The following GALNT13 variants were observed in gnomAD, a reference collection of about 807,000 sequenced individuals.
GALNT13 encodes the protein UDP-GalNAc:polypeptide N-acetylgalactosaminyltransferase 13.
A neutral mutation model predicts 64.2 loss-of-function variants in GALNT13; 28 were observed. That is an observed-to-expected ratio of 0.44 (90% CI 0.32 to 0.60). The LOEUF is 0.60. GALNT13 is among the 20% of genes least tolerant of loss of function. The pLI is 0.05. For synonymous variants in GALNT13, 214 were observed against 224.6 expected (o/e 0.95, Z 0.42); for missense variants, 577 against 669.8 (o/e 0.86, Z 1.53).
the GALNT13 span, among the ~76,000 whole-genome samples, chr2:153,503,259 T>C: frequency 1.3e-5 from 2 of 152,170 alleles, no homozygotes; most frequent in Non-Finnish European, 2.9e-5. Flanking sequence ...TTTTGTATAA[T>C]GTAAGACGAT....
chr2:153,931,002 T>A (rs1690476563), intron 2 of GALNT13, among the ~76,000 whole-genome samples: 1 of 151,716 alleles, frequency 6.6e-6, no homozygotes, highest in Non-Finnish European at 1.5e-5. Flanking sequence ...CTTTCAGCAA[T>A]GTTTTGTAAT....
intron 4 of GALNT13, among the ~76,000 whole-genome samples, chr2:154,178,597 G>A (rs533526037): frequency 3.3e-5 from 5 of 152,054 alleles, no homozygotes; most frequent in African/African-American, 9.7e-5. Context: ...TCTTCCTCTC[G>A]CTCAATCTGC....
the GALNT13 span, among the ~76,000 whole-genome samples, chr2:153,219,808 T>G: frequency 9.6e-3 from 1,464 of 152,328 alleles, 24 homozygotes; most frequent in African/African-American, 0.033. Flanking sequence ...TTCATCCTTT[T>G]CTGCTTCAGA....
At chr2:153,669,077 A>G in the GALNT13 span, among the ~76,000 whole-genome samples, 1 of 152,224 alleles carries the variant, frequency 6.6e-6, no homozygotes, top group East Asian at 1.9e-4. Context: ...CAGATGCCCA[A>G]CTGGCTGTCT....
the GALNT13 span, among the ~76,000 whole-genome samples, chr2:153,495,320 A>C: frequency 6.6e-6 from 1 of 150,684 alleles, no homozygotes; most frequent in African/African-American, 2.4e-5. Flanking sequence ...AAAACAAACA[A>C]ACAAACAACA....
rs192362229 is a variant in GALNT13 at position 154,153,737 on chromosome 2, G to T, written c.311+13232G>T. On this transcript the variant is annotated intron_variant, in intron 4 of 12. Transcript: ENST00000392825. ...CATGGGCATAGAACCCTCCGAGCCA[G>T]GTGCAGGATATAATCTCCTGGTGTG... 1.5e-3 allele frequency among the ~76,000 whole-genome samples: 222 copies of T among 152,318 alleles called. No homozygotes were observed. In the Middle Eastern group the frequency reaches 0.017, roughly 12 times the overall value.
the GALNT13 span, among the ~76,000 whole-genome samples, chr2:153,508,709 C>T: frequency 6.6e-6 from 1 of 152,160 alleles, no homozygotes; most frequent in Non-Finnish European, 1.5e-5. Flanking sequence ...CAGCAGTGAT[C>T]CAGTTCCTTC....
intron 6 of GALNT13, among the ~76,000 whole-genome samples, chr2:154,243,435 G>GCACA (rs1048954726): frequency 1.3e-5 from 2 of 151,376 alleles, no homozygotes; most frequent in Non-Finnish European, 1.5e-5. Flanking sequence ...TCTTAAAAAT[G>GCACA]CACACACACA....
At chr2:153,853,943 A>G in the GALNT13 span, among the ~76,000 whole-genome samples, 1 of 151,798 alleles carries the variant, frequency 6.6e-6, no homozygotes, top group Non-Finnish European at 1.5e-5. Context: ...GGAATAATGA[A>G]CATATCCATC....
the GALNT13 span, among the ~76,000 whole-genome samples, chr2:153,179,358 T>G: frequency 6.6e-6 from 1 of 152,204 alleles, no homozygotes; most frequent in Non-Finnish European, 1.5e-5. Flanking sequence ...AATCAATTGA[T>G]CAGAGATGAG....
chr2:153,995,408 G>T (rs1226738521), intron 3 of GALNT13, among the ~76,000 whole-genome samples: 2 of 152,030 alleles, frequency 1.3e-5, no homozygotes, highest in Non-Finnish European at 2.9e-5. Flanking sequence ...CCAAAGAAGG[G>T]TTGTATGTAA....
the GALNT13 span, among the ~76,000 whole-genome samples, chr2:153,440,866 A>G: frequency 6.6e-6 from 1 of 152,098 alleles, no homozygotes; most frequent in Non-Finnish European, 1.5e-5. Flanking sequence ...TCAGATGTAT[A>G]GAATGCAAAA....
the GALNT13 span, among the ~76,000 whole-genome samples, chr2:153,174,798 C>T: frequency 1.3e-5 from 2 of 152,132 alleles, no homozygotes; most frequent in Admixed American, 1.3e-4. Context: ...TTACCTGAAG[C>T]ATCTTTAATA....
the GALNT13 span, among the ~76,000 whole-genome samples, chr2:153,080,541 G>A: frequency 6.6e-6 from 1 of 151,922 alleles, no homozygotes; most frequent in Non-Finnish European, 1.5e-5. Flanking sequence ...ACCATTTCTT[G>A]TGACCTAAGA....
At chr2:153,632,750 T>C in the GALNT13 span, among the ~76,000 whole-genome samples, 7 of 152,106 alleles carry the variant, frequency 4.6e-5, no homozygotes, top group African/African-American at 1.7e-4. Context: ...ATTTTTTATT[T>C]TATTTATGTA....
Position 154,279,004 on chromosome 2 carries a change from T to A in GALNT13, c.975+19866T>A, listed in dbSNP as rs578248374. On this transcript the variant is annotated intron_variant, in intron 8 of 12. Coordinates refer to ENST00000392825, the MANE Select transcript of GALNT13 (RefSeq NM_052917.4). Reference sequence around the variant, plus strand: ...ATGAATAAGGAACTAGTTTTAAATATGCGGTGATATCTAAAAAGAAAAAGA... The same window carrying A: ...ATGAATAAGGAACTAGTTTTAAATAAGCGGTGATATCTAAAAAGAAAAAGA... Among the ~76,000 whole-genome samples, 4 of 152,230 alleles carry A rather than the reference T, an allele frequency of 2.6e-5. No individual in the cohort carries two copies. The South Asian group carries it at 8.3e-4, about 32-fold the overall frequency.
the GALNT13 span, among the ~76,000 whole-genome samples, chr2:153,619,439 A>T: frequency 0.046 from 6,947 of 152,222 alleles, 227 homozygotes; most frequent in East Asian, 0.17. Context: ...GGGCATGAGT[A>T]GTTACACACT....
intron 11 of GALNT13, among the ~76,000 whole-genome samples, chr2:154,428,554 G>T (rs527689932): frequency 1.3e-5 from 2 of 152,064 alleles, no homozygotes; most frequent in South Asian, 4.1e-4. Context: ...ATGTATCTAG[G>T]CATACATTGT....
At chr2:153,629,280 A>G in the GALNT13 span, among the ~76,000 whole-genome samples, 79,884 of 150,886 alleles carry the variant, frequency 0.53, 23,525 homozygotes, top group African/African-American at 0.8. Flanking sequence ...AAACAGCATG[A>G]TACTGGTACC....
Sources: gnomAD v4.1 joint callset for allele counts (sites outside exome capture counted in the v4.1 genomes callset) on GRCh38, gnomAD v4.1.1 for gene constraint, MANE v1.5 for transcripts, NCBI Gene and HGNC (gene_info 2026-07-23, HGNC 2026-07-21) for gene names.